The following PABPC4L variants were observed in gnomAD, a reference collection of about 807,000 sequenced individuals.
The protein encoded by PABPC4L is polyadenylate-binding protein 4-like.
For missense variants in PABPC4L, 452 were observed against 451.4 expected, an observed-to-expected ratio of 1.00 and a Z score of -0.01; for synonymous variants, 169 against 164.1, an observed-to-expected ratio of 1.03 and a Z score of -0.23.
chr4:134,048,471 T>G, the PABPC4L span, among the ~76,000 whole-genome samples: 1 of 152,162 alleles, frequency 6.6e-6, no homozygotes, highest in African/African-American at 2.4e-5. Context: ...CTCTGGTAAT[T>G]AAAGCAATTA....
chr4:134,141,735 T>C, the PABPC4L span, among the ~76,000 whole-genome samples: 2 of 151,666 alleles, frequency 1.3e-5, no homozygotes, highest in African/African-American at 2.4e-5. Context: ...TATTTATAAA[T>C]GTCAGCCACT....
chr4:134,104,927 C>T, the PABPC4L span, among the ~76,000 whole-genome samples: 6 of 151,678 alleles, frequency 4.0e-5, no homozygotes, highest in Admixed American at 2.0e-4. Context: ...TACACATTAC[C>T]GGTGTGCTCT....
chr4:134,021,863 G>A, the PABPC4L span, among the ~76,000 whole-genome samples: 3 of 151,838 alleles, frequency 2.0e-5, no homozygotes, highest in Non-Finnish European at 4.4e-5. Flanking sequence ...GAAACTTCTA[G>A]ACACCATTTC....
At chr4:134,026,882 A>G in the PABPC4L span, among the ~76,000 whole-genome samples, 1 of 152,102 alleles carries the variant, frequency 6.6e-6, no homozygotes, top group Non-Finnish European at 1.5e-5. Flanking sequence ...GAAGCTAGGG[A>G]AAAGTCACAG....
chr4:134,085,917 A>G, the PABPC4L span, among the ~76,000 whole-genome samples: 5 of 152,292 alleles, frequency 3.3e-5, no homozygotes, highest in East Asian at 9.7e-4. Context: ...GTAGATATGT[A>G]AGTACGGAAT....
At chr4:134,098,939 T>G in the PABPC4L span, among the ~76,000 whole-genome samples, 2 of 151,632 alleles carry the variant, frequency 1.3e-5, no homozygotes, top group Admixed American at 1.3e-4. Context: ...TACGTGGAGC[T>G]TTTTGATAAC....
chr4:134,003,006 A>G, the PABPC4L span, among the ~76,000 whole-genome samples: 1 of 151,912 alleles, frequency 6.6e-6, no homozygotes, highest in Non-Finnish European at 1.5e-5. Flanking sequence ...ACCCTAAATC[A>G]CTATTGCACC....
the PABPC4L span, among the ~76,000 whole-genome samples, chr4:133,989,789 T>C: frequency 1.1e-4 from 17 of 152,176 alleles, no homozygotes; most frequent in African/African-American, 4.1e-4. Flanking sequence ...CAGGCTACTG[T>C]GAAGAAATAC....
chr4:134,186,604 T>C, the PABPC4L span, among the ~76,000 whole-genome samples: 1 of 151,914 alleles, frequency 6.6e-6, no homozygotes, highest in Non-Finnish European at 1.5e-5. Flanking sequence ...AGAAAACCTA[T>C]GAAATACCAT....
chr4:134,192,764 A>T (rs1195037879), downstream of PABPC4L, among the ~76,000 whole-genome samples: 1 of 152,138 alleles, frequency 6.6e-6, no homozygotes, highest in Admixed American at 6.6e-5. Context: ...ATGTGACACA[A>T]GAGGATTCAT....
chr4:134,029,218 G>A, the PABPC4L span, among the ~76,000 whole-genome samples: 1 of 152,068 alleles, frequency 6.6e-6, no homozygotes, highest in Non-Finnish European at 1.5e-5. Flanking sequence ...CCATGTTCCA[G>A]CAGGATCCGG....
At chr4:134,095,283 A>G in the PABPC4L span, among the ~76,000 whole-genome samples, 4 of 152,056 alleles carry the variant, frequency 2.6e-5, no homozygotes, top group Middle Eastern at 3.5e-3. Flanking sequence ...TCTTTCAAAA[A>G]TATTTGCCAT....
the PABPC4L span, among the ~76,000 whole-genome samples, chr4:134,032,774 A>C: frequency 2.0e-5 from 3 of 151,912 alleles, no homozygotes; most frequent in African/African-American, 4.8e-5. Flanking sequence ...TACAAGATTT[A>C]AATCTTTAAT....
chr4:134,176,666 T>A, the PABPC4L span, among the ~76,000 whole-genome samples: 2 of 151,902 alleles, frequency 1.3e-5, no homozygotes, highest in Admixed American at 1.3e-4. Context: ...TCGGGATCCA[T>A]CAAGGCAGCA....
the PABPC4L span, among the ~76,000 whole-genome samples, chr4:134,043,413 A>G: frequency 2.0e-5 from 3 of 152,172 alleles, no homozygotes; most frequent in African/African-American, 7.2e-5. Context: ...ATTTGCCCCT[A>G]AAATGAAACA....
At chr4:134,004,662 C>T in the PABPC4L span, among the ~76,000 whole-genome samples, 1 of 151,870 alleles carries the variant, frequency 6.6e-6, no homozygotes, top group Non-Finnish European at 1.5e-5. Flanking sequence ...GCTGCACTCT[C>T]ACGTTCATTT....
At chr4:134,140,785 T>A in the PABPC4L span, among the ~76,000 whole-genome samples, 1 of 151,684 alleles carries the variant, frequency 6.6e-6, no homozygotes, top group East Asian at 1.9e-4. Flanking sequence ...TTGAGCATAG[T>A]TTTGGACAAT....
chr4:134,148,682 C>T, the PABPC4L span, among the ~76,000 whole-genome samples: 1 of 152,112 alleles, frequency 6.6e-6, no homozygotes, highest in Non-Finnish European at 1.5e-5. Flanking sequence ...ATTGTTTTAA[C>T]TACAGACATA....
At chr4:133,984,909 A>G in the PABPC4L span, among the ~76,000 whole-genome samples, 1 of 151,962 alleles carries the variant, frequency 6.6e-6, no homozygotes, top group Admixed American at 6.6e-5. Flanking sequence ...AATTAGTAGT[A>G]GGACTAACCC....
Sources: allele counts gnomAD v4.1 joint callset (sites outside exome capture counted in the v4.1 genomes callset), GRCh38; gene constraint gnomAD v4.1.1; transcripts MANE v1.5; gene names NCBI Gene and HGNC (gene_info 2026-07-23, HGNC 2026-07-21).